ROBO2: variants seen among roughly 807,000 people sequenced by gnomAD.
ROBO2 encodes roundabout homolog 2.
ROBO2 carries 53 observed loss-of-function variants against 160.8 expected under a neutral mutation model. The observed-to-expected ratio is 0.33, with a 90% CI of 0.26 to 0.41. The LOEUF is 0.41. Among genes scored for constraint, ROBO2 ranks in the 10% least tolerant of loss-of-function variants. The pLI, the probability that ROBO2 is intolerant of heterozygous loss-of-function variation, is 1.00. For synonymous variants in ROBO2, 664 were observed against 611.7 expected, an observed-to-expected ratio of 1.09 and a Z score of -1.26; for missense variants, 1,577 against 1,722.4, an observed-to-expected ratio of 0.92 and a Z score of 1.49.
chr3:76,892,459 C>A (rs754120612), intron 2 of ROBO2, among the ~76,000 whole-genome samples: 5 of 152,144 alleles, frequency 3.3e-5, no homozygotes, highest in Non-Finnish European at 7.3e-5. Context: ...TTACTGTCAG[C>A]CCATCTAGTG....
At chr3:77,357,463 T>C (rs1168911792) in intron 2 of ROBO2, among the ~76,000 whole-genome samples, 1 of 152,176 alleles carries the variant, frequency 6.6e-6, no homozygotes, top group South Asian at 2.1e-4. Context: ...GACGCAGCCC[T>C]TCTATCCTGG....
chr3:77,607,857 G>A (rs944543860), exon 21 of ROBO2: 9 of 1,613,824 alleles, frequency 5.6e-6, no homozygotes, highest in African/African-American at 1.3e-5. Flanking sequence ...GAAAAACAAT[G>A]GATCCACTTG....
At chr3:76,418,613 TC>T (rs1169378149) in intron 2 of ROBO2, among the ~76,000 whole-genome samples, 1 of 150,004 alleles carries the variant, frequency 6.7e-6, no homozygotes, top group East Asian at 1.9e-4. Flanking sequence ...TTGTTGGAAC[TC>T]CCGACCTACT....
intron 2 of ROBO2, among the ~76,000 whole-genome samples, chr3:76,574,639 A>G (rs1374956894): frequency 6.6e-6 from 1 of 152,138 alleles, no homozygotes; most frequent in African/African-American, 2.4e-5. Context: ...ACTTCCTATC[A>G]TAGAGAAACA....
At chr3:76,834,395 C>G (rs532658301) in intron 2 of ROBO2, among the ~76,000 whole-genome samples, 1 of 151,838 alleles carries the variant, frequency 6.6e-6, no homozygotes, top group South Asian at 2.1e-4. Flanking sequence ...GATGAGGTCT[C>G]ACTCTGTTGC....
chr3:77,189,408 A>G (rs2081601468), intron 2 of ROBO2, among the ~76,000 whole-genome samples: 2 of 152,036 alleles, frequency 1.3e-5, no homozygotes, highest in South Asian at 4.1e-4. Context: ...TTTACCTCAT[A>G]TGTCATGATA....
chr3:77,465,048 T>C (rs1256951061), intron 2 of ROBO2, among the ~76,000 whole-genome samples: 1 of 152,186 alleles, frequency 6.6e-6, no homozygotes, highest in East Asian at 1.9e-4. Context: ...GCTGACACTT[T>C]AGACAACTTG....
intron 2 of ROBO2, among the ~76,000 whole-genome samples, chr3:76,696,342 A>T (rs950079688): frequency 1.3e-5 from 2 of 151,364 alleles, no homozygotes; most frequent in Non-Finnish European, 2.9e-5. Flanking sequence ...TTACCCCTAG[A>T]CACTTATTTT....
intron 2 of ROBO2, among the ~76,000 whole-genome samples, chr3:77,029,714 T>G (rs1248469112): frequency 1.3e-5 from 2 of 152,194 alleles, no homozygotes; most frequent in Non-Finnish European, 2.9e-5. Context: ...TGATCCTTAT[T>G]ATACAAAGAA....
intron 2 of ROBO2, among the ~76,000 whole-genome samples, chr3:77,287,718 G>A (rs979883888): frequency 6.6e-6 from 1 of 152,112 alleles, no homozygotes; most frequent in African/African-American, 2.4e-5. Context: ...CCATTCTAAA[G>A]GATGACTGCA....
chr3:77,150,468 C>A (rs891209784), intron 2 of ROBO2, among the ~76,000 whole-genome samples: 2 of 152,156 alleles, frequency 1.3e-5, no homozygotes, highest in Non-Finnish European at 2.9e-5. Flanking sequence ...CTTTTTACTG[C>A]AAGAAAACCT....
chr3:76,586,544 A>T (rs955647539), intron 2 of ROBO2, among the ~76,000 whole-genome samples: 2 of 152,226 alleles, frequency 1.3e-5, no homozygotes, highest in South Asian at 4.1e-4. Context: ...TGAGTTTTTT[A>T]AAAATTAATA....
chr3:77,079,616 A>G (rs558902451), intron 1 of ROBO2, among the ~76,000 whole-genome samples: 2 of 152,232 alleles, frequency 1.3e-5, no homozygotes, highest in African/African-American at 4.8e-5. Flanking sequence ...GTAGTTTACC[A>G]TAGTGTTTGC....
chr3:76,066,403 TAA>T (rs948572422), intron 2 of ROBO2, among the ~76,000 whole-genome samples: 5 of 152,138 alleles, frequency 3.3e-5, no homozygotes, highest in East Asian at 1.9e-4. Context: ...ATATTTTATA[TAA>T]GTTAACCTCT....
chr3:77,279,216 G>A (rs1156333451), intron 2 of ROBO2, among the ~76,000 whole-genome samples: 1 of 151,834 alleles, frequency 6.6e-6, no homozygotes, highest in Non-Finnish European at 1.5e-5. Flanking sequence ...TAAATTTTTA[G>A]AATCGTATAT....
chr3:76,157,714 A>G (rs2106896199), intron 2 of ROBO2, among the ~76,000 whole-genome samples: 1 of 152,178 alleles, frequency 6.6e-6, no homozygotes, highest in Non-Finnish European at 1.5e-5. Flanking sequence ...CAGTGTTATA[A>G]AAAAAAGCAG....
chr3:76,791,021 G>C (rs934738571), intron 2 of ROBO2, among the ~76,000 whole-genome samples: 6 of 151,748 alleles, frequency 4.0e-5, no homozygotes, highest in Admixed American at 2.6e-4. Flanking sequence ...AAAAGTTTCA[G>C]CAAATGTTCT....
chr3:77,622,250 C>T, exon 23 of ROBO2: 1 of 1,614,038 alleles, frequency 6.2e-7, no homozygotes, highest in Non-Finnish European at 8.5e-7. Context: ...AATAATCAAC[C>T]TCCACAGCCT....
At chr3:76,303,332 A>G (rs2071166992) in intron 2 of ROBO2, among the ~76,000 whole-genome samples, 1 of 152,094 alleles carries the variant, frequency 6.6e-6, no homozygotes, top group Non-Finnish European at 1.5e-5. Flanking sequence ...TAAAAGGTTT[A>G]AACTTTAATT....
Sources: allele counts gnomAD v4.1 joint callset (sites outside exome capture counted in the v4.1 genomes callset), GRCh38; gene constraint gnomAD v4.1.1; transcripts MANE v1.5; gene names NCBI Gene and HGNC (gene_info 2026-07-23, HGNC 2026-07-21).